DCLRE1C: variants seen among roughly 807,000 people sequenced by gnomAD.
DCLRE1C encodes DNA cross-link repair 1C, also known as protein artemis.
A neutral mutation model predicts 61.4 loss-of-function variants in DCLRE1C; 47 were observed. The observed-to-expected ratio is 0.77, with a 90% CI of 0.61 to 0.98. The LOEUF is 0.98. DCLRE1C is among the 50% of genes least tolerant of loss of function. The pLI is 0.00. For missense variants in DCLRE1C, 858 were observed against 816.0 expected (o/e 1.05, Z -0.63); for synonymous variants, 337 against 287.6 (o/e 1.17, Z -1.74).
intron 12 of DCLRE1C, among the ~76,000 whole-genome samples, chr10:14,921,276 C>T (rs985950542): frequency 1.6e-4 from 24 of 151,732 alleles, no homozygotes; most frequent in Admixed American, 1.4e-3. Context: ...GCCGAGATCG[C>T]GCCACTGCAC....
rs769643121 is a variant in DCLRE1C at position 14,926,917 on chromosome 10, CAAAAT to C, written c.918-25_918-21del. 65 of 1,609,444 alleles carry C rather than the reference CAAAAT, an allele frequency of 4.0e-5. No individual in the cohort carries two copies. The highest frequency in any genetic ancestry group is 5.4e-5 in the Non-Finnish European group (64 of 1,176,204). ...CCAGTCCTAAAGGGAAGTGAAAACA[CAAAAT>C]AAAAAGATCACTGAGCAAAACTAAA... is the stretch of plus-strand genomic sequence containing the variant. On this transcript the variant is annotated intron_variant, in intron 10 of 13. Coordinates refer to ENST00000378278, the MANE Select transcript of DCLRE1C (RefSeq NM_001033855.3).
At chr10:14,918,553 A>G (rs1473505072) in intron 13 of DCLRE1C, among the ~76,000 whole-genome samples, 1 of 152,060 alleles carries the variant, frequency 6.6e-6, no homozygotes, top group African/African-American at 2.4e-5. Context: ...AAGTATATGC[A>G]TATACAAAAA....
rs1185331881 is a variant in DCLRE1C, at chr10:14,908,844, C to T, written c.1643G>A (p.Ser548Asn). The T allele has an allele frequency of 1.9e-6, 3 of 1,614,214 alleles. No homozygotes were observed. In the South Asian group the frequency reaches 3.3e-5, roughly 18 times the overall value. The change falls in exon 14 of 14, where the codon AGT becomes AAT. Residue 548 changes from serine to asparagine, a missense_variant. Coordinates refer to ENST00000378278, the MANE Select transcript of DCLRE1C (RefSeq NM_001033855.3). ...SQSTHITEQG[S>N]QGWDSQSDTV... ...ATCAGATTGGCTGTCCCAGCCTTGA[C>T]TTCCTTGTTCTGTTATGTGTGTTGA...
chr10:14,919,906 C>T (rs1335029869), intron 12 of DCLRE1C, 74 bp from the exon 13 acceptor site: 1 of 1,253,182 alleles, frequency 8.0e-7, no homozygotes. Flanking sequence ...GATAGTATTA[C>T]AAATTTTTTT....
chr10:14,951,728 C>T (rs1842493762), intron 1 of DCLRE1C, among the ~76,000 whole-genome samples: 2 of 152,134 alleles, frequency 1.3e-5, no homozygotes, highest in African/African-American at 2.4e-5. Context: ...GAGGACAGAG[C>T]GCCCTCTCTC....
chr10:14,921,718 C>T (rs144343216), intron 12 of DCLRE1C, among the ~76,000 whole-genome samples: 3 of 152,262 alleles, frequency 2.0e-5, no homozygotes, highest in East Asian at 1.9e-4. Flanking sequence ...GCTCTCATCC[C>T]GCTGTCTGGG....
At chr10:14,913,136 G>A (rs1026487707) in intron 13 of DCLRE1C, among the ~76,000 whole-genome samples, 28 of 152,252 alleles carry the variant, frequency 1.8e-4, no homozygotes, top group East Asian at 3.8e-4. Context: ...GATTACAGGC[G>A]CGAGCCACTG....
intron 13 of DCLRE1C, among the ~76,000 whole-genome samples, chr10:14,915,725 T>C (rs1836075345): frequency 6.6e-6 from 1 of 151,378 alleles, no homozygotes; most frequent in Non-Finnish European, 1.5e-5. Context: ...TTAAGAAAGA[T>C]ATAATGCCAA....
At position 14,908,801 on chromosome 10, in the gene DCLRE1C, G is replaced by T. The variant is rs1375156921; in HGVS notation, c.1686C>A (p.Ser562=). 6.2e-7 allele frequency: 1 copy of T among 1,614,178 alleles called. No individual in the cohort carries two copies. Among genetic ancestry groups the T allele is most frequent in the Non-Finnish European group, 8.5e-7 (1 of 1,180,026 alleles). ...TAATATCCCCACTGTTTCTCTCTTG[G>T]GAAGATAACAAAACAGTATCAGATT... ...DSQSDTVLLS[S]QERNSGDITS... Residue 562 remains serine, a synonymous_variant, in exon 14 of 14, where the codon TCC becomes TCA. Transcript: ENST00000378278.
At chr10:14,926,943 C>T in intron 10 of DCLRE1C, 46 bp from the exon 11 acceptor site, 1 of 1,545,046 alleles carries the variant, frequency 6.5e-7, no homozygotes, top group South Asian at 1.1e-5. Flanking sequence ...CTGAGCAAAA[C>T]TAAAACTAAG....
At chr10:14,949,950 C>T (rs989039374) in intron 1 of DCLRE1C, among the ~76,000 whole-genome samples, 28 of 152,226 alleles carry the variant, frequency 1.8e-4, no homozygotes, top group African/African-American at 6.5e-4. Context: ...GTGGCTGAGG[C>T]AGGACAATCA....
At chr10:14,940,833 G>C (rs543773023) in intron 3 of DCLRE1C, among the ~76,000 whole-genome samples, 2,787 of 152,262 alleles carry the variant, frequency 0.018, 21 homozygotes, top group Non-Finnish European at 0.026. Context: ...GCTAGATTCA[G>C]TTACTGTCTT....
intron 3 of DCLRE1C, among the ~76,000 whole-genome samples, chr10:14,943,297 G>C (rs1201238922): frequency 6.6e-6 from 1 of 152,028 alleles, no homozygotes; most frequent in Non-Finnish European, 1.5e-5. Context: ...TTCTACTTCA[G>C]CTGGATGCTA....
At position 14,944,673 on chromosome 10, in the gene DCLRE1C, C is replaced by CT. The variant is rs1165126470; in HGVS notation, c.246+431dup. Among the ~76,000 whole-genome samples, 1,121 of 117,734 alleles carry CT rather than the reference C, an allele frequency of 9.5e-3. 12 individuals carry two copies. The highest frequency in any genetic ancestry group is 0.028 in the Admixed American group (297 of 10,528). 77.2% of individuals were successfully genotyped at this position (117,734 alleles called of 152,430 possible). A position where few individuals can be genotyped will look rare whatever the true frequency, so the allele number is the denominator to read the frequency against. ...TGCCAACAGACTTAATTTTTTTTTTCTTTTTTTTTTTTTTTTTTTTAGATG... is the reference window on the plus strand; with the variant it reads ...TGCCAACAGACTTAATTTTTTTTTTCTTTTTTTTTTTTTTTTTTTTTAGATG... On this transcript the variant is annotated intron_variant, in intron 3 of 13. Transcript: ENST00000378278.
At chr10:14,934,547 A>G in intron 7 of DCLRE1C, 27 bp from the exon 8 acceptor site, 2 of 1,614,114 alleles carry the variant, frequency 1.2e-6, no homozygotes, top group Non-Finnish European at 1.7e-6. Context: ...AGAGACATTT[A>G]ACAGGTGGAG....
chr10:14,943,800 C>A, intron 3 of DCLRE1C, among the ~76,000 whole-genome samples: 1 of 152,180 alleles, frequency 6.6e-6, no homozygotes, highest in South Asian at 2.1e-4. Flanking sequence ...CCCGCCTCGG[C>A]CTCCCAAAGT....
At chr10:14,926,102 A>T (rs1188846373) in intron 11 of DCLRE1C, among the ~76,000 whole-genome samples, 2 of 152,196 alleles carry the variant, frequency 1.3e-5, no homozygotes, top group African/African-American at 2.4e-5. Context: ...ACTATGAGTC[A>T]ATTAAACCTC....
rs1834819805 is a variant in DCLRE1C at position 14,909,133 on chromosome 10, A to C, written c.1354T>G (p.Cys452Gly). Residue 452 changes from cysteine (C) to glycine (G), a missense_variant, in exon 14 of 14, where the codon TGT becomes GGT. Cys to Gly is a radical substitution (Grantham distance 159, BLOSUM62 -3). This residue lies in a region of DCLRE1C where 843 missense variants were observed against 783.5 expected (regional missense o/e 1.08). Coordinates refer to ENST00000378278, the MANE Select transcript of DCLRE1C (RefSeq NM_001033855.3). The stretch of plus-strand genomic sequence containing the variant: ...TCACTTTCACTGTTGGATTCTTCAC[A>C]ATCTACAAAGTTTGTGAAACGAGAG... ...QSSRFTNFVD[C>G]EESNSESEEE... 1 of 1,614,230 alleles carries C rather than the reference A, an allele frequency of 6.2e-7. No homozygotes were observed. The highest frequency in any genetic ancestry group is 2.2e-5 in the East Asian group (1 of 44,886).
chr10:14,932,217 G>A (rs1334248339), intron 9 of DCLRE1C, among the ~76,000 whole-genome samples: 3 of 151,804 alleles, frequency 2.0e-5, no homozygotes, highest in African/African-American at 7.3e-5. Context: ...GAAGGAGAAT[G>A]TCTCGAAATA....
Sources: allele counts gnomAD v4.1 joint callset (sites outside exome capture counted in the v4.1 genomes callset), GRCh38; gene constraint gnomAD v4.1.1; regional missense constraint gnomAD v4.1.1; transcripts MANE v1.5; gene names NCBI Gene and HGNC (gene_info 2026-07-23, HGNC 2026-07-21).